The following NF1 variants were observed in gnomAD, a reference collection of about 807,000 sequenced individuals.
The protein encoded by NF1 is neurofibromin.
A neutral mutation model predicts 325.7 loss-of-function variants in NF1; 122 were observed. The observed-to-expected ratio is 0.37, with a 90% CI of 0.32 to 0.44. The LOEUF is 0.44. Among genes scored for constraint, NF1 ranks in the 20% least tolerant of loss-of-function variants. The pLI, the probability that NF1 is intolerant of heterozygous loss-of-function variation, is 1.00. For synonymous variants in NF1, 1,091 were observed against 1,186.0 expected (o/e 0.92, Z 1.65); for missense variants, 2,140 against 3,415.4 (o/e 0.63, Z 9.31).
chr17:31,220,622 A>G (rs528914716), intron 14 of NF1, among the ~76,000 whole-genome samples: 1 of 152,296 alleles, frequency 6.6e-6, no homozygotes, highest in African/African-American at 2.4e-5. Context: ...ATTAAAACTT[A>G]TATAGATCAC....
At chr17:31,311,249 G>A (rs536480230) in intron 36 of NF1, among the ~76,000 whole-genome samples, 7 of 152,042 alleles carry the variant, frequency 4.6e-5, no homozygotes, top group African/African-American at 1.4e-4. Context: ...CACCGAGCCC[G>A]GCCATAGACA....
In NF1 at chr17:31,229,859, C is replaced by G. The variant is rs2151430537; in HGVS notation, c.2875C>G (p.Gln959Glu). ...GQVLLTDTNT[Q>E]FVEQTIAIMK... ...GGTTTTATTGACTGATACCAATACT[C>G]AATTTGTAGAACAAACCATAGCTAT... Residue 959 changes from glutamine to glutamate, a missense_variant, in exon 22 of 58, where the codon CAA (glutamine) becomes GAA (glutamate). By Grantham distance (29) the Gln-to-Glu change is conservative. Around this residue, in one of 10 missense-constraint regions of NF1, gnomAD observed 380 missense variants for 639.3 expected, o/e 0.59. Coordinates refer to ENST00000358273, the MANE Select transcript of NF1 (RefSeq NM_001042492.3). The G allele has an allele frequency of 6.2e-7, 1 of 1,611,702 alleles. No individual in the cohort carries two copies. Among genetic ancestry groups the G allele is most frequent in the Non-Finnish European group, 8.5e-7 (1 of 1,179,690 alleles).
chr17:31,262,201 C>A (rs2067698401), intron 35 of NF1, among the ~76,000 whole-genome samples: 1 of 152,190 alleles, frequency 6.6e-6, no homozygotes, highest in Non-Finnish European at 1.5e-5. Flanking sequence ...TAAGATTCCA[C>A]ACCTGATTCA....
At chr17:31,320,760 A>G (rs186495115) in intron 36 of NF1, among the ~76,000 whole-genome samples, 1 of 152,304 alleles carries the variant, frequency 6.6e-6, no homozygotes, top group East Asian at 1.9e-4. Context: ...AGTGACATAA[A>G]TCTTTGGATA....
At chr17:31,278,722 C>T (rs2068062987) in intron 36 of NF1, among the ~76,000 whole-genome samples, 1 of 151,312 alleles carries the variant, frequency 6.6e-6, no homozygotes, top group South Asian at 2.1e-4. Context: ...TCAAGTGATT[C>T]TCCTGCCTCA....
chr17:31,335,129 G>C, intron 40 of NF1, 98 bp downstream of exon 40: 1 of 1,024,892 alleles, frequency 9.8e-7, no homozygotes, highest in Non-Finnish European at 1.5e-6. Flanking sequence ...ACTAGGGATA[G>C]AGTTGTAAAA....
intron 36 of NF1, among the ~76,000 whole-genome samples, chr17:31,280,897 CTT>C (rs573238829): frequency 6.7e-6 from 1 of 149,460 alleles, no homozygotes; most frequent in African/African-American, 2.5e-5. Flanking sequence ...TTTTTATAGA[CTT>C]TTTTTTCTTA....
At chr17:31,260,225 C>A in intron 33 of NF1, 144 bp from the exon 34 acceptor site, 1 of 856,842 alleles carries the variant, frequency 1.2e-6, no homozygotes, top group Non-Finnish European at 1.9e-6. Context: ...TTTGCTTTGT[C>A]TAATGTCAAG....
Position 31,165,714 on chromosome 17 carries a change from C to T in NF1, c.479+2338C>T, listed in dbSNP as rs118029979. 2.9e-3 allele frequency among the ~76,000 whole-genome samples: 434 copies of T among 152,262 alleles called. 2 individuals carry two copies. The highest frequency in any genetic ancestry group is 4.8e-3 in the Non-Finnish European group (326 of 67,998). On this transcript the variant is annotated intron_variant, in intron 4 of 57. Coordinates refer to ENST00000358273, the MANE Select transcript of NF1 (RefSeq NM_001042492.3). ...TTATTTATTTTATGTTTTTGAGACA[C>T]AGTCTCTCTCTGTCACCTAGTCTGG...
At chr17:31,139,375 G>GACACACACACACACACACAC (rs58863782) in intron 1 of NF1, among the ~76,000 whole-genome samples, 9 of 144,082 alleles carry the variant, frequency 6.2e-5, no homozygotes, top group Non-Finnish European at 1.1e-4. Flanking sequence ...GTTTTACACA[G>GACACACACACACACACACAC]ACACACACAC....
intron 36 of NF1, among the ~76,000 whole-genome samples, chr17:31,284,820 G>A (rs528006848): frequency 6.6e-6 from 1 of 152,204 alleles, no homozygotes; most frequent in Non-Finnish European, 1.5e-5. Context: ...TGAAGTTTAA[G>A]TCTGTAAAAC....
intron 51 of NF1, 87 bp downstream of exon 51, chr17:31,352,501 A>G (rs2070175952): frequency 9.1e-6 from 12 of 1,325,116 alleles, no homozygotes; most frequent in South Asian, 7.8e-5. Context: ...AAATTTCAGG[A>G]TTATCAAAAT....
intron 12 of NF1, among the ~76,000 whole-genome samples, chr17:31,211,048 C>G (rs2066720382): frequency 6.6e-6 from 1 of 152,188 alleles, no homozygotes; most frequent in Non-Finnish European, 1.5e-5. Context: ...AAGTGGCATG[C>G]TGGCTCACCA....
At chr17:31,110,283 T>C (rs1031474025) in intron 1 of NF1, among the ~76,000 whole-genome samples, 1 of 152,186 alleles carries the variant, frequency 6.6e-6, no homozygotes, top group Non-Finnish European at 1.5e-5. Flanking sequence ...ATGGATGTAA[T>C]GAGGACTAGA....
At chr17:31,106,856 C>T (rs1912906338) in intron 1 of NF1, among the ~76,000 whole-genome samples, 1 of 152,162 alleles carries the variant, frequency 6.6e-6, no homozygotes, top group Non-Finnish European at 1.5e-5. Flanking sequence ...AGAATACCAA[C>T]AGAAATACAC....
chr17:31,233,292 T>C (rs995549916), intron 27 of NF1, 79 bp downstream of exon 27: 1 of 1,311,996 alleles, frequency 7.6e-7, no homozygotes, highest in African/African-American at 1.5e-5. Context: ...TCAATAAATG[T>C]TTGTTGAATG....
intron 30 of NF1, chr17:31,251,733 T>G (rs2067497117): frequency 5.0e-6 from 1 of 201,966 alleles, no homozygotes; most frequent in South Asian, 1.9e-4. Context: ...GTATATAGTC[T>G]AAAGTTTGAA....
chr17:31,146,917 T>C (rs992695228), intron 1 of NF1, among the ~76,000 whole-genome samples: 2 of 152,256 alleles, frequency 1.3e-5, no homozygotes, highest in African/African-American at 4.8e-5. Flanking sequence ...CTGAAGGGGC[T>C]GACTGACAGC....
chr17:31,359,212 C>A (rs942895032), intron 56 of NF1, 197 bp downstream of exon 56: 2 of 558,688 alleles, frequency 3.6e-6, no homozygotes, highest in Admixed American at 3.1e-5. Flanking sequence ...TGTGTGTATT[C>A]ACTTTTACAA....
Sources: gnomAD v4.1 joint callset for allele counts (sites outside exome capture counted in the v4.1 genomes callset) on GRCh38, gnomAD v4.1.1 for gene constraint, gnomAD v4.1.1 regional missense constraint, MANE v1.5 for transcripts, NCBI Gene and HGNC (gene_info 2026-07-23, HGNC 2026-07-21) for gene names.